The following EYS variants were observed in gnomAD, a reference collection of about 807,000 sequenced individuals.
The protein encoded by EYS is protein eyes shut homolog.
Under a neutral mutation model 282.1 loss-of-function variants are expected in EYS, and 250 were observed. That is an observed-to-expected ratio of 0.89 (90% confidence interval 0.80 to 0.98). The LOEUF is 0.98. EYS is among the 50% of genes least tolerant of loss of function. The probability of loss-of-function intolerance (pLI) is 0.00; values close to 1 mark genes in which losing one functional copy is unlikely to be tolerated. For synonymous variants in EYS, 1,355 were observed against 1,282.9 expected (o/e 1.06, Z -1.20); for missense variants, 4,016 against 3,709.0 (o/e 1.08, Z -2.15).
chr6:64,684,610 T>G (rs9345373), intron 22 of EYS, among the ~76,000 whole-genome samples: 6 of 151,580 alleles, frequency 4.0e-5, no homozygotes, highest in African/African-American at 1.5e-4. Context: ...GAGAGAGAGA[T>G]ATATATGTAT....
chr6:63,895,479 T>C (rs1328233261), intron 35 of EYS, among the ~76,000 whole-genome samples: 1 of 152,218 alleles, frequency 6.6e-6, no homozygotes, highest in Admixed American at 6.5e-5. Flanking sequence ...AAATTCTCTG[T>C]TAAAAAGCAA....
intron 5 of EYS, among the ~76,000 whole-genome samples, chr6:65,458,856 T>C (rs1486013973): frequency 6.6e-6 from 1 of 152,086 alleles, no homozygotes; most frequent in Non-Finnish European, 1.5e-5. Flanking sequence ...GAAATTGCAA[T>C]GTTTCAAATA....
chr6:64,941,236 C>G (rs547643371), intron 15 of EYS, among the ~76,000 whole-genome samples: 135 of 152,014 alleles, frequency 8.9e-4, no homozygotes, highest in Non-Finnish European at 1.3e-3. Context: ...CAAAAATTAT[C>G]CAGGCATGGT....
chr6:64,369,939 T>A (rs1338431211), intron 29 of EYS, among the ~76,000 whole-genome samples: 3 of 152,054 alleles, frequency 2.0e-5, no homozygotes, highest in African/African-American at 7.2e-5. Context: ...GCAGAGACTA[T>A]GGAGTTTTCT....
intron 28 of EYS, among the ~76,000 whole-genome samples, chr6:64,403,701 A>G (rs1773613261): frequency 6.6e-6 from 1 of 152,096 alleles, no homozygotes; most frequent in Non-Finnish European, 1.5e-5. Context: ...TTTTCTTCCT[A>G]TCATGGGCAA....
At chr6:64,750,094 C>A (rs949285641) in intron 22 of EYS, among the ~76,000 whole-genome samples, 2 of 151,962 alleles carry the variant, frequency 1.3e-5, no homozygotes, top group Non-Finnish European at 2.9e-5. Flanking sequence ...GAAAACTCCA[C>A]TTTTTGTGAA....
intron 15 of EYS, among the ~76,000 whole-genome samples, chr6:64,934,227 A>C (rs543751560): frequency 7.2e-5 from 11 of 152,058 alleles, no homozygotes; most frequent in Admixed American, 3.9e-4. Flanking sequence ...AGTGAACATA[A>C]AGATAAGTTT....
At chr6:64,105,509 T>C (rs1338693851) in intron 31 of EYS, among the ~76,000 whole-genome samples, 1 of 152,146 alleles carries the variant, frequency 6.6e-6, no homozygotes, top group African/African-American at 2.4e-5. Context: ...CTATGGGTTT[T>C]AACAAATGTA....
intron 12 of EYS, among the ~76,000 whole-genome samples, chr6:65,198,301 A>T (rs2150244257): frequency 6.6e-6 from 1 of 152,226 alleles, no homozygotes; most frequent in South Asian, 2.1e-4. Flanking sequence ...AATACCCTCG[A>T]AAGATCTGCC....
intron 12 of EYS, among the ~76,000 whole-genome samples, chr6:65,275,581 T>C (rs1768023142): frequency 6.6e-6 from 1 of 152,184 alleles, no homozygotes; most frequent in African/African-American, 2.4e-5. Context: ...GAAAGAAGAC[T>C]TAGGCCAGGT....
At position 64,458,153 on chromosome 6, in the gene EYS, C is replaced by G. The variant is rs568669123; in HGVS notation, c.5645-18801G>C. On this transcript the variant is annotated intron_variant, in intron 26 of 42. Transcript: ENST00000503581. Reference sequence around the variant, plus strand: ...TTACATATACCTTCAGAAATTATTGCACCAATTATTTTTGATAGTTTTTCA... The same window carrying G: ...TTACATATACCTTCAGAAATTATTGGACCAATTATTTTTGATAGTTTTTCA... 3.3e-5 allele frequency among the ~76,000 whole-genome samples: 5 copies of G among 152,106 alleles called. No individual in the cohort carries two copies. The East Asian group carries it at 9.7e-4, about 29-fold the overall frequency.
intron 26 of EYS, among the ~76,000 whole-genome samples, chr6:64,546,160 G>C (rs1011201660): frequency 6.6e-6 from 1 of 152,104 alleles, no homozygotes; most frequent in African/African-American, 2.4e-5. Context: ...CATGGTACTG[G>C]TACCAAAACA....
chr6:65,096,920 C>A (rs1396317949), intron 12 of EYS, among the ~76,000 whole-genome samples: 2 of 150,854 alleles, frequency 1.3e-5, no homozygotes, highest in African/African-American at 2.4e-5. Flanking sequence ...TGAGGAAAAG[C>A]TCTTGACATT....
At chr6:65,513,956 G>T (rs1767011271) in intron 2 of EYS, among the ~76,000 whole-genome samples, 1 of 152,100 alleles carries the variant, frequency 6.6e-6, no homozygotes. Context: ...TTAGGCAGGA[G>T]AAGGAAATCA....
At chr6:64,868,174 T>G (rs897599641) in intron 19 of EYS, among the ~76,000 whole-genome samples, 1 of 151,546 alleles carries the variant, frequency 6.6e-6, no homozygotes, top group African/African-American at 2.4e-5. Flanking sequence ...TCTTCTGATG[T>G]TAGTATTTGT....
intron 26 of EYS, among the ~76,000 whole-genome samples, chr6:64,443,368 C>A (rs1340134164): frequency 1.3e-5 from 2 of 152,142 alleles, no homozygotes; most frequent in Non-Finnish European, 2.9e-5. Flanking sequence ...TGGGGAGGGA[C>A]TTGCCTTGTC....
intron 12 of EYS, among the ~76,000 whole-genome samples, chr6:65,242,673 T>C (rs2150276859): frequency 6.6e-6 from 1 of 152,292 alleles, no homozygotes; most frequent in African/African-American, 2.4e-5. Flanking sequence ...AATTTATATT[T>C]AACATTTTGA....
intron 33 of EYS, among the ~76,000 whole-genome samples, chr6:64,035,487 A>G (rs2149833288): frequency 6.6e-6 from 1 of 152,328 alleles, no homozygotes; most frequent in Admixed American, 6.5e-5. Flanking sequence ...TGAGGAAATC[A>G]GAGCCAGGTC....
rs150768155 is a variant in EYS, at chr6:65,649,372, AAC to A, written c.-447-9482_-447-9481del. On this transcript the variant is annotated intron_variant, in intron 1 of 42. Transcript: ENST00000503581. ...TTTCTGAAAGTGTGTCCAATCTTAA[AAC>A]ACACACACACACACATACACACATC... is the stretch of plus-strand genomic sequence containing the variant. 5.5e-4 allele frequency among the ~76,000 whole-genome samples: 83 copies of A among 151,038 alleles called. No individual in the cohort carries two copies. In the East Asian group the frequency reaches 7.8e-3, roughly 14 times the overall value.
Sources: allele counts gnomAD v4.1 joint callset (sites outside exome capture counted in the v4.1 genomes callset), GRCh38; gene constraint gnomAD v4.1.1; transcripts MANE v1.5; gene names NCBI Gene and HGNC (gene_info 2026-07-23, HGNC 2026-07-21).